TIAM1: variants seen among roughly 807,000 people sequenced by gnomAD.
TIAM1 encodes rho guanine nucleotide exchange factor TIAM1.
Under a neutral mutation model 163.5 loss-of-function variants are expected in TIAM1, and 65 were observed. The observed-to-expected ratio is 0.40, with a 90% CI of 0.33 to 0.49. The LOEUF (loss-of-function observed/expected upper bound fraction) is 0.49. TIAM1 is among the 20% of genes least tolerant of loss of function. The pLI is 0.77. For missense variants in TIAM1, 1,789 were observed against 2,044.7 expected (o/e 0.87, Z 2.41); for synonymous variants, 833 against 810.1 (o/e 1.03, Z -0.48).
intron 2 of TIAM1, among the ~76,000 whole-genome samples, chr21:31,459,622 C>T (rs147913485): frequency 6.6e-6 from 1 of 152,246 alleles, no homozygotes; most frequent in East Asian, 1.9e-4. Context: ...CCCTAGATGG[C>T]GTCCGCAACC....
chr21:31,415,025 G>T (rs2043324511), intron 2 of TIAM1, among the ~76,000 whole-genome samples: 1 of 152,232 alleles, frequency 6.6e-6, no homozygotes, highest in African/African-American at 2.4e-5. Flanking sequence ...ACCCCTGAGG[G>T]ATGGGGAATG....
intron 2 of TIAM1, among the ~76,000 whole-genome samples, chr21:31,373,857 C>T (rs2076641052): frequency 6.6e-6 from 1 of 152,118 alleles, no homozygotes; most frequent in Non-Finnish European, 1.5e-5. Flanking sequence ...ATCAAAATCC[C>T]TCTTACCTGG....
At chr21:31,280,789 T>G (rs867481158) in intron 2 of TIAM1, among the ~76,000 whole-genome samples, 2 of 148,174 alleles carry the variant, frequency 1.3e-5, no homozygotes, top group African/African-American at 2.5e-5. Flanking sequence ...AACTTTCTTT[T>G]TCACCTTCAA....
chr21:31,398,574 G>A (rs2077112676), intron 2 of TIAM1, among the ~76,000 whole-genome samples: 1 of 152,200 alleles, frequency 6.6e-6, no homozygotes, highest in African/African-American at 2.4e-5. Flanking sequence ...TGCTATCACT[G>A]CAAAATTCCA....
chr21:31,382,834 A>T (rs1314566093), intron 2 of TIAM1, among the ~76,000 whole-genome samples: 1 of 152,250 alleles, frequency 6.6e-6, no homozygotes, highest in African/African-American at 2.4e-5. Context: ...TGGTTCAAGA[A>T]GTATGCTTTT....
At chr21:31,557,162 C>A (rs2048908597) in intron 1 of TIAM1, among the ~76,000 whole-genome samples, 1 of 152,178 alleles carries the variant, frequency 6.6e-6, no homozygotes, top group South Asian at 2.1e-4. Context: ...GAAATTCAAA[C>A]ACATTTTTAA....
At chr21:31,450,004 C>T (rs937652287) in intron 2 of TIAM1, among the ~76,000 whole-genome samples, 1 of 152,140 alleles carries the variant, frequency 6.6e-6, no homozygotes, top group South Asian at 2.1e-4. Context: ...GCAGCAACCA[C>T]GTAACTGGCC....
intron 5 of TIAM1, among the ~76,000 whole-genome samples, chr21:31,245,957 A>G (rs1247356432): frequency 1.3e-5 from 2 of 152,110 alleles, no homozygotes; most frequent in Non-Finnish European, 2.9e-5. Flanking sequence ...CCTCACAGAC[A>G]TAGGGTCTTG....
intron 1 of TIAM1, among the ~76,000 whole-genome samples, chr21:31,343,262 C>T (rs568468509): frequency 2.0e-5 from 3 of 152,182 alleles, no homozygotes; most frequent in African/African-American, 4.8e-5. Flanking sequence ...TGAGCAAAAG[C>T]TACACAGGCC....
chr21:31,164,908 G>T, intron 16 of TIAM1, 54 bp downstream of exon 16: 1 of 1,564,966 alleles, frequency 6.4e-7, no homozygotes, highest in Non-Finnish European at 8.8e-7. Context: ...GACATTGTCA[G>T]CTGTGATTCT....
At chr21:31,329,572 A>G (rs541058826) in intron 2 of TIAM1, among the ~76,000 whole-genome samples, 1 of 152,334 alleles carries the variant, frequency 6.6e-6, no homozygotes, top group African/African-American at 2.4e-5. Context: ...CATATGAATC[A>G]GCTCACCAGA....
chr21:31,361,431 G>A (rs1211857764), intron 2 of TIAM1, among the ~76,000 whole-genome samples: 1 of 152,150 alleles, frequency 6.6e-6, no homozygotes, highest in Admixed American at 6.5e-5. Context: ...GAGGATGGGA[G>A]GGGAGGCTTT....
chr21:31,378,726 C>G (rs1249080615), intron 2 of TIAM1, among the ~76,000 whole-genome samples: 1 of 152,090 alleles, frequency 6.6e-6, no homozygotes, highest in East Asian at 1.9e-4. Flanking sequence ...GGTTCTGCAC[C>G]CCTGGGTTCC....
intron 7 of TIAM1, among the ~76,000 whole-genome samples, chr21:31,224,554 C>G (rs1215640019): frequency 6.6e-6 from 1 of 152,078 alleles, no homozygotes; most frequent in Non-Finnish European, 1.5e-5. Context: ...GACAGAGTGC[C>G]GGGGGCAGAG....
At chr21:31,406,010 C>G (rs1289452248) in intron 2 of TIAM1, among the ~76,000 whole-genome samples, 1 of 152,066 alleles carries the variant, frequency 6.6e-6, no homozygotes, top group Non-Finnish European at 1.5e-5. Context: ...CTATGGAATT[C>G]AAAACACAAG....
At chr21:31,248,452 G>A (rs188821332) in intron 5 of TIAM1, among the ~76,000 whole-genome samples, 5 of 152,254 alleles carry the variant, frequency 3.3e-5, no homozygotes, top group East Asian at 1.9e-4. Context: ...TGAGAACCAC[G>A]TTCTCCCTGG....
At chr21:31,504,668 T>TCA (rs2046969313) in intron 1 of TIAM1, among the ~76,000 whole-genome samples, 1 of 152,236 alleles carries the variant, frequency 6.6e-6, no homozygotes, top group Non-Finnish European at 1.5e-5. Flanking sequence ...CAGGGGCTGA[T>TCA]GACTTCTGCA....
At chr21:31,140,844 T>C (rs1314328544) in intron 22 of TIAM1, among the ~76,000 whole-genome samples, 1 of 152,188 alleles carries the variant, frequency 6.6e-6, no homozygotes, top group Non-Finnish European at 1.5e-5. Context: ...TAATGGAAGT[T>C]CACTTTCACA....
At chr21:31,267,568 A>C (rs934396696) in intron 3 of TIAM1, among the ~76,000 whole-genome samples, 1 of 149,294 alleles carries the variant, frequency 6.7e-6, no homozygotes, top group Non-Finnish European at 1.5e-5. Context: ...TTCAAAATCA[A>C]TCAAAAATGG....
Sources: gnomAD v4.1 joint callset for allele counts (sites outside exome capture counted in the v4.1 genomes callset) on GRCh38, gnomAD v4.1.1 for gene constraint, MANE v1.5 for transcripts, NCBI Gene and HGNC (gene_info 2026-07-23, HGNC 2026-07-21) for gene names.